IMPG2: variants seen among roughly 807,000 people sequenced by gnomAD.
The protein encoded by IMPG2 is IPM 200.
A neutral mutation model predicts 129.2 loss-of-function variants in IMPG2; 91 were observed. The observed-to-expected ratio is 0.70, with a 90% CI of 0.59 to 0.84. The LOEUF (loss-of-function observed/expected upper bound fraction) is 0.84, where lower values mean the gene tolerates loss of function less well. Ranked by LOEUF, IMPG2 falls within the 40% of genes least tolerant of loss-of-function variation. IMPG2 has a pLI of 0.00. For missense variants in IMPG2, 1,430 were observed against 1,461.7 expected, an observed-to-expected ratio of 0.98 and a Z score of 0.35; for synonymous variants, 510 against 517.7, an observed-to-expected ratio of 0.99 and a Z score of 0.20.
chr3:101,242,665 C>T, intron 14 of IMPG2, 23 bp downstream of exon 14: 1 of 1,529,974 alleles, frequency 6.5e-7, no homozygotes, highest in Non-Finnish European at 9.1e-7. Flanking sequence ...ACTAAGAAAC[C>T]ACCATGCTAG....
At chr3:101,276,534 GA>G in intron 5 of IMPG2, 129 bp downstream of exon 5, 1 of 690,906 alleles carries the variant, frequency 1.4e-6, no homozygotes. Flanking sequence ...TGAGACTCTT[GA>G]AAAACGTATT....
chr3:101,299,913 G>C (rs1377191820), intron 3 of IMPG2, among the ~76,000 whole-genome samples: 1 of 152,204 alleles, frequency 6.6e-6, no homozygotes, highest in Non-Finnish European at 1.5e-5. Context: ...ACTTAACAAA[G>C]CACTTTGCCC....
chr3:101,267,399 G>T, intron 9 of IMPG2, 112 bp downstream of exon 9: 1 of 902,716 alleles, frequency 1.1e-6, no homozygotes, highest in Non-Finnish European at 1.8e-6. Flanking sequence ...GTCAGACAGT[G>T]ATATTGGAAG....
At chr3:101,256,362 GCA>G (rs1239947699) in intron 10 of IMPG2, among the ~76,000 whole-genome samples, 1 of 150,538 alleles carries the variant, frequency 6.6e-6, no homozygotes, top group Non-Finnish European at 1.5e-5. Flanking sequence ...GCACATATGT[GCA>G]CACACACACA....
chr3:101,291,111 C>A (rs1307700528), intron 4 of IMPG2, among the ~76,000 whole-genome samples: 2 of 152,166 alleles, frequency 1.3e-5, no homozygotes, highest in African/African-American at 2.4e-5. Flanking sequence ...TGATCCATAG[C>A]ACCACCCATC....
At chr3:101,256,217 G>GAAA (rs140955011) in intron 10 of IMPG2, among the ~76,000 whole-genome samples, 22 of 138,264 alleles carry the variant, frequency 1.6e-4, no homozygotes, top group East Asian at 6.5e-4. Flanking sequence ...AAGAAAGAAA[G>GAAA]AAAAAAATAT....
intron 2 of IMPG2, among the ~76,000 whole-genome samples, chr3:101,305,685 T>C (rs1306287604): frequency 1.3e-5 from 2 of 152,128 alleles, no homozygotes; most frequent in Non-Finnish European, 2.9e-5. Flanking sequence ...AAAATATATA[T>C]ACACACATAC....
rs545886585 is a variant in IMPG2 at position 101,287,012 on chromosome 3, G to T, written c.533+4467C>A. ...AGGTATTTATTAGTTGATACATTAT[G>T]CAAGAAATAAATCTCTTAGCAGGAA... On this transcript the variant is annotated intron_variant, in intron 4 of 18. Coordinates refer to ENST00000193391, the MANE Select transcript of IMPG2 (RefSeq NM_016247.4). Among the ~76,000 whole-genome samples, 45 of 152,210 alleles carry T rather than the reference G, an allele frequency of 3.0e-4. No individual in the cohort carries two copies. The South Asian group carries it at 9.1e-3, about 31-fold the overall frequency.
chr3:101,248,975 T>C (rs1292710991), intron 11 of IMPG2, among the ~76,000 whole-genome samples: 1 of 152,132 alleles, frequency 6.6e-6, no homozygotes, highest in Non-Finnish European at 1.5e-5. Flanking sequence ...CATAAGCAGA[T>C]CAAACGACAA....
chr3:101,286,630 A>G (rs1706948916), intron 4 of IMPG2, among the ~76,000 whole-genome samples: 1 of 152,220 alleles, frequency 6.6e-6, no homozygotes. Context: ...CTCACACTAT[A>G]TATGCCTCGC....
chr3:101,256,097 GGAAA>G (rs542912377), intron 10 of IMPG2, among the ~76,000 whole-genome samples: 4,743 of 104,660 alleles, frequency 0.045, 148 homozygotes, highest in Non-Finnish European at 0.062. Context: ...AGAGAAAGAA[GGAAA>G]GAAAGAAAGA....
rs1039805770 is a variant in IMPG2, at chr3:101,223,492, G to A, written c.*3477C>T. ...AAATTCAATTCAGAGACAGAAAGATGTCAAAGTACCCATTGCTGAAAACAG... is the reference window on the plus strand; with the variant it reads ...AAATTCAATTCAGAGACAGAAAGATATCAAAGTACCCATTGCTGAAAACAG... On this transcript the variant is annotated 3_prime_UTR_variant, in exon 19 of 19. Coordinates refer to ENST00000193391, the MANE Select transcript of IMPG2 (RefSeq NM_016247.4). The A allele has an allele frequency of 6.6e-6, 1 of 152,136 alleles. No individual in the cohort carries two copies. The highest frequency in any genetic ancestry group is 1.5e-5 in the Non-Finnish European group (1 of 68,022). The allele number at this position is 152,136 out of a possible 1,614,324, so 9.4% of individuals were successfully genotyped here. A position where few individuals can be genotyped will look rare whatever the true frequency, so the allele number is the denominator to read the frequency against.
At chr3:101,230,890 G>A in intron 16 of IMPG2, 67 bp downstream of exon 16, 1 of 1,433,714 alleles carries the variant, frequency 7.0e-7, no homozygotes, top group Non-Finnish European at 9.8e-7. Context: ...TTTGGCACCT[G>A]GTAAGTACTA....
At chr3:101,283,188 A>G (rs1046051912) in intron 4 of IMPG2, among the ~76,000 whole-genome samples, 8 of 151,814 alleles carry the variant, frequency 5.3e-5, no homozygotes, top group African/African-American at 4.8e-5. Context: ...ATGCCTGGCT[A>G]ATTTTTTTTG....
At position 101,243,807 on chromosome 3, in the gene IMPG2, G is replaced by A. The variant is rs149896250; in HGVS notation, c.2524C>T (p.Leu842=). 2.0e-5 allele frequency: 33 copies of A among 1,614,060 alleles called. No homozygotes were observed. The highest frequency in any genetic ancestry group is 8.5e-7 in the Non-Finnish European group (1 of 1,180,024). The change falls in exon 13 of 19, where the codon CTG becomes TTG. Residue 842 remains leucine, a synonymous_variant. Coordinates refer to ENST00000193391, the MANE Select transcript of IMPG2 (RefSeq NM_016247.4). The stretch of plus-strand genomic sequence containing the variant: ...TAGTAATCTGTGCCTATCCGGTCCA[G>A]TTCTAACGAAATATCCTGTACACCC... ...IMGVQDISLE[L]DRIGTDYYQP...
At chr3:101,294,851 G>T (rs1021350529) in intron 3 of IMPG2, among the ~76,000 whole-genome samples, 7 of 152,174 alleles carry the variant, frequency 4.6e-5, no homozygotes, top group Admixed American at 2.6e-4. Flanking sequence ...CAGTATTGAT[G>T]AGCTTTTTTT....
At chr3:101,309,576 G>A (rs1232516625) in intron 2 of IMPG2, among the ~76,000 whole-genome samples, 1 of 152,096 alleles carries the variant, frequency 6.6e-6, no homozygotes, top group African/African-American at 2.4e-5. Context: ...CATAAGAACA[G>A]CATGGGGGAA....
chr3:101,298,565 C>T (rs952304704), intron 3 of IMPG2, among the ~76,000 whole-genome samples: 1 of 152,158 alleles, frequency 6.6e-6, no homozygotes, highest in Non-Finnish European at 1.5e-5. Context: ...TCAGTGCTTC[C>T]TTCAGGAGCT....
chr3:101,254,533 A>T (rs1706578494), intron 10 of IMPG2, among the ~76,000 whole-genome samples: 2 of 152,160 alleles, frequency 1.3e-5, no homozygotes, highest in Non-Finnish European at 2.9e-5. Context: ...AGGGATTGCC[A>T]GGAGAGTGAT....
Sources: gnomAD v4.1 joint callset for allele counts (sites outside exome capture counted in the v4.1 genomes callset) on GRCh38, gnomAD v4.1.1 for gene constraint, MANE v1.5 for transcripts, NCBI Gene and HGNC (gene_info 2026-07-23, HGNC 2026-07-21) for gene names.